The following LRP1B variants were observed in gnomAD, a reference collection of about 807,000 sequenced individuals.
The protein encoded by LRP1B is LDL receptor related protein 1B.
Under a neutral mutation model 556.6 loss-of-function variants are expected in LRP1B, and 217 were observed. The ratio of observed to expected loss-of-function variants is 0.39; its 90% CI spans 0.35 to 0.44. The LOEUF is 0.44. LRP1B is among the 20% of genes least tolerant of loss of function. The probability of loss-of-function intolerance (pLI) is 1.00; values close to 1 mark genes in which losing one functional copy is unlikely to be tolerated. For missense variants in LRP1B, 5,053 were observed against 5,620.8 expected, an observed-to-expected ratio of 0.90 and a Z score of 3.23; for synonymous variants, 2,047 against 1,865.8, an observed-to-expected ratio of 1.10 and a Z score of -2.50.
At chr2:141,464,604 A>ATTTTTTTTTTTTTTTT (rs1415837703) in intron 3 of LRP1B, among the ~76,000 whole-genome samples, 5 of 72,794 alleles carry the variant, frequency 6.9e-5, no homozygotes, top group African/African-American at 2.1e-4. Flanking sequence ...ATATATATAT[A>ATTTTTTTTTTTTTTTT]TATTTTTTTA....
rs145462762 is a variant in LRP1B at position 141,140,576 on chromosome 2, C to G, written c.1013+47845G>C. On this transcript the variant is annotated intron_variant, in intron 7 of 90. Coordinates refer to ENST00000389484, the MANE Select transcript of LRP1B (RefSeq NM_018557.3). The stretch of plus-strand genomic sequence containing the variant: ...GGTGTCCTAACAAGGAGAAAACATA[C>G]CAGAAATGCATACACACAGAGAAAA... Among the ~76,000 whole-genome samples the G allele has an allele frequency of 3.9e-5, 6 of 152,064 alleles. No homozygotes were observed. The East Asian group carries it at 7.8e-4, about 20-fold the overall frequency.
intron 3 of LRP1B, among the ~76,000 whole-genome samples, chr2:141,339,256 C>T (rs1189880717): frequency 6.7e-6 from 1 of 149,300 alleles, no homozygotes; most frequent in South Asian, 2.1e-4. Flanking sequence ...GGGCAGGAAT[C>T]TTGCTTCTTT....
intron 1 of LRP1B, among the ~76,000 whole-genome samples, chr2:142,024,401 G>A (rs1303555598): frequency 6.6e-6 from 1 of 152,106 alleles, no homozygotes; most frequent in Non-Finnish European, 1.5e-5. Flanking sequence ...CCCTTGCCTT[G>A]GAGTTTCTCA....
intron 7 of LRP1B, among the ~76,000 whole-genome samples, chr2:141,173,059 A>G (rs1680576895): frequency 6.6e-6 from 1 of 151,560 alleles, no homozygotes; most frequent in South Asian, 2.1e-4. Flanking sequence ...TAAAATTAAA[A>G]AAAAAAAAAC....
At chr2:140,851,311 C>A (rs996142244) in intron 28 of LRP1B, among the ~76,000 whole-genome samples, 3 of 152,026 alleles carry the variant, frequency 2.0e-5, no homozygotes, top group Non-Finnish European at 4.4e-5. Context: ...ATGCAGGTTA[C>A]CTACATCATC....
intron 66 of LRP1B, among the ~76,000 whole-genome samples, chr2:140,399,013 G>A (rs960639745): frequency 2.0e-5 from 3 of 152,072 alleles, no homozygotes; most frequent in African/African-American, 4.8e-5. Context: ...AATAAATTCA[G>A]TTGAGAATAA....
chr2:141,725,290 C>T (rs115753374), intron 2 of LRP1B, among the ~76,000 whole-genome samples: 189 of 151,862 alleles, frequency 1.2e-3, no homozygotes, highest in African/African-American at 4.3e-3. Context: ...ATAAACCTTT[C>T]AAAAATAAAC....
intron 7 of LRP1B, among the ~76,000 whole-genome samples, chr2:141,184,085 A>G (rs1340433334): frequency 1.3e-5 from 2 of 152,036 alleles, no homozygotes; most frequent in Non-Finnish European, 2.9e-5. Flanking sequence ...AATCCTCATT[A>G]GACCCCAATA....
chr2:141,328,164 T>C (rs556494519), intron 3 of LRP1B, among the ~76,000 whole-genome samples: 10 of 152,322 alleles, frequency 6.6e-5, no homozygotes, highest in East Asian at 5.8e-4. Flanking sequence ...CACACATATA[T>C]ATGCACTCAT....
At chr2:141,519,504 T>A (rs1175073432) in intron 2 of LRP1B, among the ~76,000 whole-genome samples, 1 of 151,454 alleles carries the variant, frequency 6.6e-6, no homozygotes. Context: ...GAATTCTCAG[T>A]TGAAGTATGC....
intron 2 of LRP1B, among the ~76,000 whole-genome samples, chr2:141,627,417 G>A (rs1165305386): frequency 2.0e-5 from 3 of 152,150 alleles, no homozygotes; most frequent in African/African-American, 7.2e-5. Context: ...TGTGTCGCCA[G>A]CCCCCTGGCA....
At chr2:140,321,822 G>T (rs961790434) in intron 82 of LRP1B, 141 bp downstream of exon 82, 5 of 764,834 alleles carry the variant, frequency 6.5e-6, no homozygotes, top group Admixed American at 2.6e-5. Context: ...GAAAAGTACA[G>T]TTTACACAGG....
intron 7 of LRP1B, among the ~76,000 whole-genome samples, chr2:141,131,910 T>C (rs1188757435): frequency 6.6e-6 from 1 of 151,894 alleles, no homozygotes; most frequent in Non-Finnish European, 1.5e-5. Flanking sequence ...TTAGTGGTGA[T>C]TTATGAGATT....
chr2:141,026,022 G>T (rs963498391), intron 11 of LRP1B, among the ~76,000 whole-genome samples: 1 of 151,946 alleles, frequency 6.6e-6, no homozygotes, highest in African/African-American at 2.4e-5. Flanking sequence ...ATTGTGAATG[G>T]GGAGAAAGTC....
intron 21 of LRP1B, among the ~76,000 whole-genome samples, 197 bp downstream of exon 21, chr2:140,922,768 A>C (rs1468984067): frequency 2.0e-5 from 3 of 152,122 alleles, no homozygotes; most frequent in Admixed American, 1.3e-4. Context: ...CATGAATCCA[A>C]TGCGGAGAAC....
rs1687151536 is a variant in LRP1B, at chr2:140,457,529, A to T, written c.9748T>A (p.Ser3250Thr). The change falls in exon 61 of 91, where the codon TCA becomes ACA. Residue 3250 changes from serine to threonine, a missense_variant. By Grantham distance (58) the Ser-to-Thr change is moderately conservative (BLOSUM62 1). Coordinates refer to ENST00000389484, the MANE Select transcript of LRP1B (RefSeq NM_018557.3). The part of the protein sequence containing the change: ...AHKTSGADRL[S>T]LIYSWHAITD... ...ATGGCATGCCATGAGTAAATCAGTG[A>T]GAGTCTGTCTGCTCCCGATGTTTTA... 2 of 1,613,744 alleles carry T rather than the reference A, an allele frequency of 1.2e-6. No homozygotes were observed. The highest frequency in any genetic ancestry group is 1.7e-6 in the Non-Finnish European group (2 of 1,179,802).
chr2:141,381,245 G>A lies in LRP1B; in HGVS notation c.343+99151C>T, dbSNP rs146679104. 8.1e-3 allele frequency among the ~76,000 whole-genome samples: 1,229 copies of A among 151,688 alleles called. 12 individuals carry two copies. Among genetic ancestry groups the A allele is most frequent in the African/African-American group, 0.026 (1,063 of 41,368 alleles). On this transcript the variant is annotated intron_variant, in intron 3 of 90. Coordinates refer to ENST00000389484, the MANE Select transcript of LRP1B (RefSeq NM_018557.3). Reference sequence around the variant, plus strand: ...AGTACCAAACAGAAATCACAAAACTGAAGAATGAAATCACTGAACTAAAAA... The same window carrying A: ...AGTACCAAACAGAAATCACAAAACTAAAGAATGAAATCACTGAACTAAAAA...
intron 41 of LRP1B, among the ~76,000 whole-genome samples, chr2:140,644,702 C>G (rs548731082): frequency 6.6e-6 from 1 of 152,264 alleles, no homozygotes; most frequent in Admixed American, 6.5e-5. Flanking sequence ...TATGAGCCAC[C>G]ATGCCCAGCC....
At chr2:140,295,855 G>C (rs931211680) in intron 84 of LRP1B, among the ~76,000 whole-genome samples, 3 of 152,128 alleles carry the variant, frequency 2.0e-5, no homozygotes, top group Admixed American at 2.0e-4. Flanking sequence ...TTTGAGAATA[G>C]ATACTTTGGG....
Sources: allele counts gnomAD v4.1 joint callset (sites outside exome capture counted in the v4.1 genomes callset), GRCh38; gene constraint gnomAD v4.1.1; transcripts MANE v1.5; gene names NCBI Gene and HGNC (gene_info 2026-07-23, HGNC 2026-07-21).